CEP83: variants seen among roughly 807,000 people sequenced by gnomAD.
The protein encoded by CEP83 is centrosomal protein of 83 kDa.
A neutral mutation model predicts 101.9 loss-of-function variants in CEP83; 70 were observed. The observed-to-expected ratio is 0.69, with a 90% CI of 0.57 to 0.84. The LOEUF is 0.84. CEP83 is among the 40% of genes least tolerant of loss of function. CEP83 has a pLI of 0.00. For missense variants in CEP83, 715 were observed against 787.2 expected, an observed-to-expected ratio of 0.91 and a Z score of 1.10; for synonymous variants, 264 against 267.9, an observed-to-expected ratio of 0.99 and a Z score of 0.14.
At chr12:94,438,975 G>A (rs147064459) in intron 1 of CEP83, among the ~76,000 whole-genome samples, 2,490 of 152,206 alleles carry the variant, frequency 0.016, 26 homozygotes, top group Middle Eastern at 0.034. Flanking sequence ...TGAACTGAAC[G>A]ATAACAGTGA....
intron 2 of CEP83, chr12:94,423,890 G>A: frequency 6.2e-7 from 1 of 1,611,448 alleles, no homozygotes; most frequent in Non-Finnish European, 8.5e-7. Context: ...TTGCATAGCT[G>A]CAGCCGTCAG....
chr12:94,381,532 T>C (rs2061848905), intron 6 of CEP83, among the ~76,000 whole-genome samples: 1 of 152,150 alleles, frequency 6.6e-6, no homozygotes, highest in Non-Finnish European at 1.5e-5. Flanking sequence ...CAAAAAATGA[T>C]AGCACTTCAA....
intron 14 of CEP83, among the ~76,000 whole-genome samples, chr12:94,327,618 A>G (rs1294302709): frequency 6.6e-6 from 1 of 152,182 alleles, no homozygotes; most frequent in Admixed American, 6.5e-5. Flanking sequence ...CTCAACTGAC[A>G]TTCTTCAATC....
the CEP83 span, chr12:94,301,180 G>T: frequency 1.6e-6 from 1 of 633,264 alleles, no homozygotes; most frequent in Non-Finnish European, 2.5e-6. Flanking sequence ...GAGATAGCAA[G>T]GGCCACTGTC....
chr12:94,410,555 T>A (rs1250983652), intron 4 of CEP83, among the ~76,000 whole-genome samples: 1 of 152,206 alleles, frequency 6.6e-6, no homozygotes, highest in Non-Finnish European at 1.5e-5. Flanking sequence ...TTTCTGGATG[T>A]GCTTGGTACA....
At chr12:94,377,225 C>T (rs1593530387) in intron 7 of CEP83, among the ~76,000 whole-genome samples, 1 of 152,138 alleles carries the variant, frequency 6.6e-6, no homozygotes, top group Admixed American at 6.5e-5. Flanking sequence ...CCTCAACACA[C>T]GTGCATTAGC....
chr12:94,278,062 C>G, the CEP83 span: 2 of 456,084 alleles, frequency 4.4e-6, no homozygotes, highest in South Asian at 1.5e-5. Flanking sequence ...GGAGCCCCCC[C>G]TCCCTCTGTC....
chr12:94,399,780 T>G (rs1054799588), intron 6 of CEP83, among the ~76,000 whole-genome samples: 4 of 152,154 alleles, frequency 2.6e-5, no homozygotes, highest in Admixed American at 2.6e-4. Flanking sequence ...ACTATTGTAA[T>G]AGAAGTGAGA....
At chr12:94,454,894 T>G (rs961064849) in intron 1 of CEP83, among the ~76,000 whole-genome samples, 1 of 146,710 alleles carries the variant, frequency 6.8e-6, no homozygotes, top group African/African-American at 2.5e-5. Context: ...AATGAACAAC[T>G]CCGGACGCGC....
the CEP83 span, chr12:94,297,064 T>G: frequency 3.5e-6 from 3 of 856,448 alleles, no homozygotes; most frequent in East Asian, 7.3e-5. Flanking sequence ...TATGGAGAGC[T>G]CAAGTCAAAA....
rs975931320 is a variant in CEP83 at position 94,307,891 on chromosome 12, G to T, written c.*922C>A. On this transcript the variant is annotated 3_prime_UTR_variant, in exon 17 of 17. Transcript: ENST00000397809. ...ACTATCAACTGGGACTTTTGACTAT[G>T]AACACCTTGGGATAATGAACATTCC... 6.6e-6 allele frequency: 1 copy of T among 152,112 alleles called. No homozygotes were observed. The highest frequency in any genetic ancestry group is 1.5e-5 in the Non-Finnish European group (1 of 68,022). The allele number at this position is 152,112 out of a possible 1,614,324, so 9.4% of individuals were successfully genotyped here.
chr12:94,345,715 A>C (rs1283805826), intron 11 of CEP83, among the ~76,000 whole-genome samples: 1 of 152,218 alleles, frequency 6.6e-6, no homozygotes, highest in Non-Finnish European at 1.5e-5. Flanking sequence ...TTCCTTATCC[A>C]GGAGGAAATA....
Position 94,308,888 on chromosome 12 carries a change from T to C in CEP83, c.2031A>G (p.Leu677=), listed in dbSNP as rs1555214323. Residue 677 remains leucine (L), a synonymous_variant, in exon 17 of 17, where the codon CTA becomes CTG. Transcript: ENST00000397809. ...QEEQHQRELS[L]LRKRLEELET... is the part of the protein sequence containing the mutation. ...CCAGTTCTTCTAGTCTTTTGCGAAG[T>C]AGAGAGAGTTCCCTTTGATGTTGTT... is the stretch of plus-strand genomic sequence containing the variant. 8 of 1,612,034 alleles carry C rather than the reference T, an allele frequency of 5.0e-6. No individual in the cohort carries two copies. The Admixed American group carries it at 8.3e-5, about 17-fold the overall frequency.
chr12:94,423,862 C>T (rs1478464376), intron 2 of CEP83: 2 of 1,612,646 alleles, frequency 1.2e-6, no homozygotes, highest in African/African-American at 1.3e-5. Flanking sequence ...CAGGGGTGTA[C>T]TGGGAGATGT....
chr12:94,366,664 T>A (rs1018142422), intron 11 of CEP83, among the ~76,000 whole-genome samples: 2 of 152,144 alleles, frequency 1.3e-5, no homozygotes, highest in African/African-American at 2.4e-5. Context: ...TAATTTTCAG[T>A]TCACTGGGAG....
chr12:94,353,029 C>A (rs2060274882), intron 11 of CEP83, among the ~76,000 whole-genome samples: 1 of 152,050 alleles, frequency 6.6e-6, no homozygotes, highest in African/African-American at 2.4e-5. Context: ...CCAAAAAGGT[C>A]CTCTCCAAGG....
At position 94,356,750 on chromosome 12, in the gene CEP83, G is replaced by T. The variant is rs527611522; in HGVS notation, c.1343+11044C>A. Among the ~76,000 whole-genome samples the T allele has an allele frequency of 3.9e-5, 6 of 152,310 alleles. No homozygotes were observed. The East Asian group carries it at 1.2e-3, about 29-fold the overall frequency. ...CAGTCGGATGATTCCTACTGACTGGGACGCTCTTACTCGAGCTTGTCTAAC... is the reference window on the plus strand; with the variant it reads ...CAGTCGGATGATTCCTACTGACTGGTACGCTCTTACTCGAGCTTGTCTAAC... On this transcript the variant is annotated intron_variant, in intron 11 of 16. Coordinates refer to ENST00000397809, the MANE Select transcript of CEP83 (RefSeq NM_016122.3).
At chr12:94,395,905 C>G (rs754721645) in intron 6 of CEP83, among the ~76,000 whole-genome samples, 3 of 152,194 alleles carry the variant, frequency 2.0e-5, no homozygotes, top group Non-Finnish European at 4.4e-5. Context: ...TGGCTCCTCA[C>G]CTGACACATA....
intron 6 of CEP83, among the ~76,000 whole-genome samples, chr12:94,383,012 T>C (rs1192867904): frequency 1.3e-5 from 2 of 152,096 alleles, no homozygotes; most frequent in Non-Finnish European, 2.9e-5. Context: ...TTTTAGTTCT[T>C]TCAATTTTTG....
Sources: allele counts gnomAD v4.1 joint callset (sites outside exome capture counted in the v4.1 genomes callset), GRCh38; gene constraint gnomAD v4.1.1; transcripts MANE v1.5; gene names NCBI Gene and HGNC (gene_info 2026-07-23, HGNC 2026-07-21).